Variants in C5 observed in about 807,000 individuals in gnomAD.
C5 encodes complement C5.
Under a neutral mutation model 218.8 loss-of-function variants are expected in C5, and 140 were observed. The ratio of observed to expected loss-of-function variants is 0.64; its 90% CI spans 0.56 to 0.74. C5 has a LOEUF of 0.74. C5 is among the 30% of genes least tolerant of loss of function. The pLI, the probability that C5 is intolerant of heterozygous loss-of-function variation, is 0.00. For synonymous variants in C5, 614 were observed against 682.3 expected, an observed-to-expected ratio of 0.90 and a Z score of 1.56; for missense variants, 1,700 against 1,969.6, an observed-to-expected ratio of 0.86 and a Z score of 2.59.
chr9:121,058,589 C>T, the C5 span, among the ~76,000 whole-genome samples: 2 of 152,154 alleles, frequency 1.3e-5, no homozygotes, highest in Admixed American at 1.3e-4. Context: ...CAGGGGTGAG[C>T]CACCATGCCT....
intron 20 of C5, among the ~76,000 whole-genome samples, chr9:121,004,628 C>T (rs2047200807): frequency 6.6e-6 from 1 of 152,014 alleles, no homozygotes; most frequent in South Asian, 2.1e-4. Context: ...CAAAAATTAG[C>T]CAAGCATGGT....
chr9:121,067,567 A>G, the C5 span, among the ~76,000 whole-genome samples: 23 of 127,474 alleles, frequency 1.8e-4, no homozygotes, highest in Non-Finnish European at 3.3e-5. Flanking sequence ...GGCTCCATCT[A>G]AAAAAAAAAA....
At chr9:121,027,131 G>T in intron 8 of C5, 29 bp downstream of exon 8, 1 of 1,155,912 alleles carries the variant, frequency 8.7e-7, no homozygotes, top group Non-Finnish European at 1.3e-6. Flanking sequence ...GCATCTGTAG[G>T]TGTGAGTGAC....
upstream of C5, among the ~76,000 whole-genome samples, chr9:121,051,481 A>G (rs2047671042): frequency 6.6e-6 from 1 of 152,098 alleles, no homozygotes. Context: ...TTTTTTATTT[A>G]CTACCTTCTC....
chr9:121,024,185 AC>A (rs2047392320), intron 9 of C5, among the ~76,000 whole-genome samples: 2 of 119,212 alleles, frequency 1.7e-5, no homozygotes, highest in Admixed American at 1.7e-4. Context: ...GTACCACTGC[AC>A]TCCAGTCTGG....
chr9:121,001,824 A>C (rs1351131715), intron 20 of C5, among the ~76,000 whole-genome samples: 1 of 152,174 alleles, frequency 6.6e-6, no homozygotes, highest in Non-Finnish European at 1.5e-5. Context: ...AGAAGGTAAA[A>C]TGTCCATGCC....
At chr9:121,029,797 CTT>C (rs1448812834) in intron 7 of C5, among the ~76,000 whole-genome samples, 1 of 152,192 alleles carries the variant, frequency 6.6e-6, no homozygotes, top group African/African-American at 2.4e-5. Context: ...TCCATTGCCT[CTT>C]TGAGTGTTGC....
chr9:121,025,114 G>T (rs968023508), intron 9 of C5, among the ~76,000 whole-genome samples: 1 of 152,052 alleles, frequency 6.6e-6, no homozygotes, highest in African/African-American at 2.4e-5. Context: ...TTTTGGTTTT[G>T]ATTTTCACCA....
the C5 span, among the ~76,000 whole-genome samples, chr9:121,060,191 G>C: frequency 6.6e-6 from 1 of 152,196 alleles, no homozygotes; most frequent in African/African-American, 2.4e-5. Flanking sequence ...TTAAGTTCCT[G>C]AAGAGCAGCA....
the C5 span, among the ~76,000 whole-genome samples, chr9:121,070,078 C>G: frequency 0.015 from 2,326 of 152,042 alleles, 29 homozygotes; most frequent in Non-Finnish European, 0.025. Context: ...AAAATGTGGG[C>G]CAGACGTAGT....
At chr9:121,072,661 C>T in the C5 span, among the ~76,000 whole-genome samples, 1 of 151,858 alleles carries the variant, frequency 6.6e-6, no homozygotes, top group South Asian at 2.1e-4. Context: ...CAAAAATTAG[C>T]TGGCCTTGGT....
At chr9:120,989,865 G>T in intron 23 of C5, 85 bp from the exon 24 acceptor site, 26 of 1,069,980 alleles carry the variant, frequency 2.4e-5, no homozygotes, top group Non-Finnish European at 3.0e-5. Context: ...CAACCATCTA[G>T]AGATGGTTCT....
chr9:120,963,106 A>G (rs747640394), intron 34 of C5, 139 bp from the exon 35 acceptor site: 64 of 747,544 alleles, frequency 8.6e-5, no homozygotes, highest in African/African-American at 4.0e-4. Context: ...TCTTCTTGAA[A>G]AAGTCTGAAC....
intron 20 of C5, among the ~76,000 whole-genome samples, chr9:121,000,611 T>TA (rs1171493464): frequency 6.6e-6 from 1 of 152,084 alleles, no homozygotes; most frequent in Non-Finnish European, 1.5e-5. Context: ...TTATTTCAGA[T>TA]AAAAAAATCT....
chr9:121,064,116 A>C, the C5 span, among the ~76,000 whole-genome samples: 1 of 151,170 alleles, frequency 6.6e-6, no homozygotes. Context: ...TGTTCTTTTT[A>C]TTTTTTGTTT....
chr9:120,953,495 G>A (rs529745339), intron 40 of C5, among the ~76,000 whole-genome samples: 3 of 152,242 alleles, frequency 2.0e-5, no homozygotes, highest in South Asian at 2.1e-4. Context: ...GGGGAGGTCC[G>A]GTGAGTACTT....
intron 11 of C5, among the ~76,000 whole-genome samples, chr9:121,021,010 C>T (rs1165617997): frequency 6.6e-6 from 1 of 152,174 alleles, no homozygotes; most frequent in East Asian, 1.9e-4. Flanking sequence ...TACTAAGTTA[C>T]TTTGTAACTA....
In C5 at chr9:121,019,985, A is replaced by G. The variant is rs773768770; in HGVS notation, c.1497T>C (p.Tyr499=). 3 of 1,582,260 alleles carry G rather than the reference A, an allele frequency of 1.9e-6. No homozygotes were observed. The East Asian group carries it at 6.7e-5, about 35-fold the overall frequency. ...ATCATTATGTACTTACCAAGTAATT[A>G]TAGTGAGTTATTTTGTCAATATATG... is the stretch of plus-strand genomic sequence containing the variant. ...KSPYIDKITH[Y]NYLILSKGKI... Residue 499 remains tyrosine (Y), a synonymous_variant, in exon 12 of 41, where the codon TAT becomes TAC. Transcript: ENST00000223642.
Position 121,018,658 on chromosome 9 carries a change from A to AGAAAAGAAAGAAAGAAAGAAG in C5, c.1507-807_1507-806insCTTCTTTCTTTCTTTCTTTTC, listed in dbSNP as rs1378868575. 3.1e-4 allele frequency among the ~76,000 whole-genome samples: 35 copies of AGAAAAGAAAGAAAGAAAGAAG among 111,226 alleles called. 1 individual carries two copies. Among genetic ancestry groups the AGAAAAGAAAGAAAGAAAGAAG allele is most frequent in the African/African-American group, 9.6e-4 (29 of 30,214 alleles). 73.0% of individuals were successfully genotyped at this position (111,226 alleles called of 152,430 possible). On this transcript the variant is annotated intron_variant, in intron 12 of 40. Transcript: ENST00000223642. ...GGGAGGGAGGGAGGGAAAGAAAGAA[A>AGAAAAGAAAGAAAGAAAGAAG]GAAGGAAGGAAGGAAGGAAAGAAGG... is the stretch of plus-strand genomic sequence containing the variant.
Sources: gnomAD v4.1 joint callset for allele counts (sites outside exome capture counted in the v4.1 genomes callset) on GRCh38, gnomAD v4.1.1 for gene constraint, MANE v1.5 for transcripts, NCBI Gene and HGNC (gene_info 2026-07-23, HGNC 2026-07-21) for gene names.